GOT1: variants seen among roughly 807,000 people sequenced by gnomAD.
GOT1 encodes glutamic-oxaloacetic transaminase 1, also known as aspartate aminotransferase, cytoplasmic.
A neutral mutation model predicts 48.2 loss-of-function variants in GOT1; 25 were observed. That is an observed-to-expected ratio of 0.52 (90% CI 0.38 to 0.72). GOT1 has a LOEUF of 0.72. Ranked by LOEUF, GOT1 falls within the 30% of genes least tolerant of loss-of-function variation. GOT1 has a pLI of 0.00. For missense variants in GOT1, 380 were observed against 520.1 expected (o/e 0.73, Z 2.62); for synonymous variants, 188 against 193.8 (o/e 0.97, Z 0.25).
chr10:99,412,306 T>A (rs1359299732), intron 2 of GOT1, among the ~76,000 whole-genome samples: 1 of 151,310 alleles, frequency 6.6e-6, no homozygotes, highest in East Asian at 2.0e-4. Context: ...GTCTGGATTT[T>A]ACCCTACAGG....
Position 99,397,779 on chromosome 10 carries a change from CT to C in GOT1, c.1103-94del. 8.0e-7 allele frequency: 1 copy of C among 1,243,628 alleles called. No individual in the cohort carries two copies. The allele number at this position is 1,243,628 out of a possible 1,614,324, so 77.0% of individuals were successfully genotyped here. On this transcript the variant is annotated intron_variant, in intron 8 of 8. Transcript: ENST00000370508. The surrounding 1 kb of genome is among the most constrained non-coding windows in gnomAD (Gnocchi z 5.4). Reference sequence around the variant, plus strand: ...TTATATGACAATTACAGCTTTACTTCTTTCCCCTTAACAGAGAGAAGCAAAA... The same window carrying C: ...TTATATGACAATTACAGCTTTACTTCTTCCCCTTAACAGAGAGAAGCAAAA...
chr10:99,419,252 G>C (rs528186071), intron 2 of GOT1, among the ~76,000 whole-genome samples: 61 of 152,162 alleles, frequency 4.0e-4, no homozygotes, highest in Non-Finnish European at 7.9e-4. Flanking sequence ...AATGATAATG[G>C]CCACTGGTTT....
chr10:99,407,623 G>A (rs921988945), intron 2 of GOT1, among the ~76,000 whole-genome samples: 8 of 151,704 alleles, frequency 5.3e-5, no homozygotes, highest in South Asian at 4.2e-4. Context: ...TAGTAGAGAC[G>A]GGGTTTCACC....
rs2032954431 is a variant in GOT1 at position 99,420,693 on chromosome 10, C to T, written c.231G>A (p.Leu77=). Residue 77 remains leucine, a synonymous_variant, in exon 2 of 9, where the codon CTG becomes CTA. Coordinates refer to ENST00000370508, the MANE Select transcript of GOT1 (RefSeq NM_002079.3). The part of the protein sequence containing the change: ...LNHEYLPILG[L]AEFRSCASRL... ...GAGAAGCACAGCTCCGGAACTCAGC[C>T]AGGCCCAGGATTGGCAGATACTCGT... 1 of 1,614,100 alleles carries T rather than the reference C, an allele frequency of 6.2e-7. No homozygotes were observed. Among genetic ancestry groups the T allele is most frequent in the Non-Finnish European group, 8.5e-7 (1 of 1,179,974 alleles).
intron 1 of GOT1, among the ~76,000 whole-genome samples, chr10:99,422,467 G>A (rs1204226344): frequency 1.3e-5 from 2 of 152,114 alleles, no homozygotes; most frequent in Non-Finnish European, 2.9e-5. Flanking sequence ...TATTTTTGAT[G>A]GGCATATTCT....
At position 99,403,711 on chromosome 10, in the gene GOT1, G is replaced by A. The variant is rs185980427; in HGVS notation, c.793+13C>T. 2,250 of 1,614,102 alleles carry A rather than the reference G, an allele frequency of 1.4e-3. 31 individuals are homozygous for A. Among genetic ancestry groups the A allele is most frequent in the East Asian group, 3.8e-3 (172 of 44,890 alleles). ...GAGGAGGTGGGGCTGTAACTCCTCAGGAGAGCACTCACTGTAGAGCCCGAA... is the reference window on the plus strand; with the variant it reads ...GAGGAGGTGGGGCTGTAACTCCTCAAGAGAGCACTCACTGTAGAGCCCGAA... On this transcript the variant is annotated intron_variant, in intron 6 of 8. Coordinates refer to ENST00000370508, the MANE Select transcript of GOT1 (RefSeq NM_002079.3).
intron 1 of GOT1, among the ~76,000 whole-genome samples, chr10:99,428,495 C>T (rs1266524398): frequency 1.3e-5 from 2 of 152,122 alleles, no homozygotes; most frequent in African/African-American, 4.8e-5. Flanking sequence ...GTAGCTGTGA[C>T]TACCAGTGTG....
intron 8 of GOT1, among the ~76,000 whole-genome samples, chr10:99,401,582 A>T (rs1228116852): frequency 2.6e-5 from 4 of 151,432 alleles, no homozygotes; most frequent in African/African-American, 9.7e-5. Context: ...CAGGAGAATA[A>T]CCTGAAGCCG....
intron 5 of GOT1, among the ~76,000 whole-genome samples, chr10:99,405,548 C>CAT (rs1203570536): frequency 6.6e-6 from 1 of 151,696 alleles, no homozygotes; most frequent in Non-Finnish European, 1.5e-5. Context: ...CACACACACA[C>CAT]ACACACACAC....
At chr10:99,429,351 T>C (rs1398137871) in intron 1 of GOT1, among the ~76,000 whole-genome samples, 5 of 90,894 alleles carry the variant, frequency 5.5e-5, no homozygotes, top group Non-Finnish European at 8.1e-5. Flanking sequence ...CCCGGCCGAC[T>C]TTTTTTTTTT....
At chr10:99,424,136 C>T (rs528476735) in intron 1 of GOT1, among the ~76,000 whole-genome samples, 71 of 152,322 alleles carry the variant, frequency 4.7e-4, no homozygotes, top group Non-Finnish European at 9.0e-4. Context: ...ATGATCACAA[C>T]GTTACCATTG....
At chr10:99,403,303 A>T (rs1460208249) in intron 7 of GOT1, among the ~76,000 whole-genome samples, 166 bp downstream of exon 7, 1 of 152,120 alleles carries the variant, frequency 6.6e-6, no homozygotes, top group Non-Finnish European at 1.5e-5. Flanking sequence ...TGCACGTGTG[A>T]GGTAGATATC....
Position 99,397,321 on chromosome 10 carries a change from A to C in GOT1, c.*226T>G. 1 of 545,132 alleles carries C rather than the reference A, an allele frequency of 1.8e-6. No homozygotes were observed. The highest frequency in any genetic ancestry group is 3.3e-6 in the Non-Finnish European group (1 of 303,426). The allele number at this position is 545,132 out of a possible 1,614,324, so 33.8% of individuals were successfully genotyped here. A position where few individuals can be genotyped will look rare whatever the true frequency, so the allele number is the denominator to read the frequency against. On this transcript the variant is annotated 3_prime_UTR_variant, in exon 9 of 9. Transcript: ENST00000370508. This position sits in a 1 kb window ranked among gnomAD's most constrained non-coding sequence, Gnocchi z 5.4. Reference sequence around the variant, plus strand: ...AAGTACTCTTTTATTCTTAAATAAAAATCTTAATTTGCTTTGACCTCCAAA... The same window carrying C: ...AAGTACTCTTTTATTCTTAAATAAACATCTTAATTTGCTTTGACCTCCAAA...
chr10:99,420,384 G>A (rs1391702706), intron 2 of GOT1: 2 of 458,918 alleles, frequency 4.4e-6, no homozygotes, highest in Non-Finnish European at 7.7e-6. Flanking sequence ...TCCACTGACT[G>A]CTTCAAATGC....
At chr10:99,407,344 G>T (rs1369651258) in intron 2 of GOT1, among the ~76,000 whole-genome samples, 1 of 152,082 alleles carries the variant, frequency 6.6e-6, no homozygotes, top group African/African-American at 2.4e-5. Flanking sequence ...CTCATCTCTA[G>T]AATTCAGGCT....
intron 8 of GOT1, among the ~76,000 whole-genome samples, chr10:99,400,956 G>T (rs1054485144): frequency 6.6e-6 from 1 of 151,800 alleles, no homozygotes; most frequent in Non-Finnish European, 1.5e-5. Context: ...GAAAAAAAAA[G>T]TTGGGAGGAA....
intron 2 of GOT1, among the ~76,000 whole-genome samples, chr10:99,416,627 A>G (rs1448306915): frequency 4.6e-5 from 7 of 152,144 alleles, no homozygotes; most frequent in Admixed American, 1.3e-4. Flanking sequence ...AACAGCCCCC[A>G]TTGCCAAGTC....
intron 2 of GOT1, among the ~76,000 whole-genome samples, chr10:99,418,494 C>CTTTT (rs11394746): frequency 9.2e-5 from 13 of 140,600 alleles, no homozygotes; most frequent in Non-Finnish European, 1.4e-4. Flanking sequence ...TCCCCACTTT[C>CTTTT]TTTTTTTTTT....
chr10:99,429,863 C>A (rs2033092845), intron 1 of GOT1, among the ~76,000 whole-genome samples: 1 of 152,222 alleles, frequency 6.6e-6, no homozygotes, highest in African/African-American at 2.4e-5. Flanking sequence ...ACGGCCAGAA[C>A]CATCTCCCCA....
Sources: gnomAD v4.1 joint callset for allele counts (sites outside exome capture counted in the v4.1 genomes callset) on GRCh38, gnomAD v4.1.1 for gene constraint, Gnocchi (gnomAD v3.1) non-coding constraint, MANE v1.5 for transcripts, NCBI Gene and HGNC (gene_info 2026-07-23, HGNC 2026-07-21) for gene names.